Variants in SASS6 observed in about 807,000 individuals in gnomAD.
SASS6 encodes spindle assembly abnormal protein 6 homolog.
In SASS6, 59 loss-of-function variants were observed where a neutral mutation model predicts 94.9. The observed-to-expected ratio is 0.62, with a 90% CI of 0.50 to 0.77. SASS6 has a LOEUF of 0.77. Among genes scored for constraint, SASS6 ranks in the 30% least tolerant of loss-of-function variants. The pLI is 0.00. For synonymous variants in SASS6, 264 were observed against 270.0 expected (o/e 0.98, Z 0.22); for missense variants, 698 against 734.1 (o/e 0.95, Z 0.57).
chr1:100,090,193 T>C (rs1165163971), intron 14 of SASS6, among the ~76,000 whole-genome samples: 2 of 152,052 alleles, frequency 1.3e-5, no homozygotes, highest in African/African-American at 2.4e-5. Flanking sequence ...ACAGGACATA[T>C]AGAAAACAAA....
At chr1:100,131,240 G>C (rs1401717949) in intron 1 of SASS6, among the ~76,000 whole-genome samples, 2 of 147,308 alleles carry the variant, frequency 1.4e-5, no homozygotes, top group East Asian at 3.9e-4. Flanking sequence ...ACCCAGGCTG[G>C]AGTACAGTGG....
rs1245861096 is a variant in SASS6 at position 100,100,333 on chromosome 1, T to A, written c.1674+2622A>T. On this transcript the variant is annotated intron_variant, in intron 14 of 16. Coordinates refer to ENST00000287482, the MANE Select transcript of SASS6 (RefSeq NM_194292.3). ...TTGAAAGACATTACAATTTACTATC[T>A]ACTGGTGTTTCACCACAAAATGTAA... Among the ~76,000 whole-genome samples the A allele has an allele frequency of 2.0e-5, 3 of 152,218 alleles. No homozygotes were observed. The East Asian group carries it at 5.8e-4, about 29-fold the overall frequency.
intron 1 of SASS6, among the ~76,000 whole-genome samples, chr1:100,128,684 A>G (rs186119114): frequency 1.5e-3 from 227 of 152,370 alleles, no homozygotes; most frequent in Admixed American, 4.1e-3. Flanking sequence ...GAGCAATATA[A>G]AACAATAAAA....
chr1:100,085,705 T>A, intron 15 of SASS6, 75 bp from the exon 16 acceptor site: 1 of 810,564 alleles, frequency 1.2e-6, no homozygotes, highest in South Asian at 1.6e-5. Flanking sequence ...TATGTATACA[T>A]ATATATAAGA....
intron 14 of SASS6, among the ~76,000 whole-genome samples, chr1:100,095,004 C>T (rs891436411): frequency 2.6e-5 from 4 of 151,924 alleles, no homozygotes; most frequent in African/African-American, 9.7e-5. Flanking sequence ...AATCTGTTAA[C>T]TGATAAAAGA....
At chr1:100,088,571 T>G (rs1651467713) in intron 14 of SASS6, among the ~76,000 whole-genome samples, 1 of 150,782 alleles carries the variant, frequency 6.6e-6, no homozygotes, top group South Asian at 2.1e-4. Flanking sequence ...ATTACAGGGA[T>G]GAGCCACCAT....
At chr1:100,100,959 T>C (rs1316032493) in intron 14 of SASS6, among the ~76,000 whole-genome samples, 1 of 152,194 alleles carries the variant, frequency 6.6e-6, no homozygotes, top group Non-Finnish European at 1.5e-5. Flanking sequence ...ATTTTTAGTC[T>C]GATTCTTTAA....
At chr1:100,117,674 A>T (rs546602254) in intron 7 of SASS6, among the ~76,000 whole-genome samples, 7 of 152,060 alleles carry the variant, frequency 4.6e-5, no homozygotes, top group Non-Finnish European at 1.0e-4. Flanking sequence ...TGAAAAAAAA[A>T]ACAACCACAC....
At position 100,105,012 on chromosome 1, in the gene SASS6, T is replaced by C. The variant is rs971880053; in HGVS notation, c.1545+755A>G. On this transcript the variant is annotated intron_variant, in intron 13 of 16. Transcript: ENST00000287482. Reference sequence around the variant, plus strand: ...AGTTTATATCTCATAACCAGTTTCTTGTAGAATCTAAAGGTGACAAGCCTG... The same window carrying C: ...AGTTTATATCTCATAACCAGTTTCTCGTAGAATCTAAAGGTGACAAGCCTG... Among the ~76,000 whole-genome samples the C allele has an allele frequency of 7.2e-5, 11 of 152,096 alleles. No homozygotes were observed. In the South Asian group the frequency reaches 8.3e-4, roughly 11 times the overall value.
At chr1:100,088,037 C>G (rs556832031) in intron 15 of SASS6, 102 bp downstream of exon 15, 17 of 582,070 alleles carry the variant, frequency 2.9e-5, no homozygotes, top group African/African-American at 2.0e-4. Context: ...TGAAATGTCT[C>G]AGGTAAACAG....
At chr1:100,090,780 G>C (rs1651616073) in intron 14 of SASS6, among the ~76,000 whole-genome samples, 1 of 152,040 alleles carries the variant, frequency 6.6e-6, no homozygotes, top group Non-Finnish European at 1.5e-5. Flanking sequence ...CCAGGAAGGG[G>C]GACCCTAAGG....
intron 11 of SASS6, 49 bp from the exon 12 acceptor site, chr1:100,107,042 TAA>T: frequency 1.3e-6 from 1 of 779,934 alleles, no homozygotes; most frequent in South Asian, 1.6e-5. Flanking sequence ...AAAGGTTAAA[TAA>T]AAACTGAAGA....
intron 2 of SASS6, among the ~76,000 whole-genome samples, chr1:100,124,466 A>G (rs1654422551): frequency 6.6e-6 from 1 of 152,164 alleles, no homozygotes; most frequent in African/African-American, 2.4e-5. Flanking sequence ...CTGCAGCCTC[A>G]ACCTCCCAGT....
intron 13 of SASS6, among the ~76,000 whole-genome samples, chr1:100,104,379 A>G (rs1325308954): frequency 6.6e-6 from 1 of 152,192 alleles, no homozygotes. Context: ...TGCGGATGCT[A>G]GGTAAGCTCC....
chr1:100,095,564 C>T (rs903335681), intron 14 of SASS6, among the ~76,000 whole-genome samples: 3 of 152,012 alleles, frequency 2.0e-5, no homozygotes, highest in South Asian at 4.1e-4. Context: ...ATTGTACTAT[C>T]GGTTCTAGCC....
chr1:100,087,381 T>C (rs1429839297), intron 15 of SASS6, among the ~76,000 whole-genome samples: 25 of 152,222 alleles, frequency 1.6e-4, no homozygotes. Context: ...TAATTTAGTT[T>C]GTAATGTAGA....
chr1:100,121,227 T>C (rs1654172055), intron 5 of SASS6, 151 bp downstream of exon 5: 2 of 526,456 alleles, frequency 3.8e-6, no homozygotes, highest in African/African-American at 3.9e-5. Context: ...GACTATACCT[T>C]GACTAAATAA....
intron 2 of SASS6, 36 bp downstream of exon 2, chr1:100,125,846 C>G: frequency 9.8e-7 from 1 of 1,023,798 alleles, no homozygotes; most frequent in Admixed American, 2.0e-5. Flanking sequence ...CTACAATGTA[C>G]CGAAATGATA....
intron 1 of SASS6, among the ~76,000 whole-genome samples, chr1:100,130,066 A>C (rs1654887702): frequency 6.6e-6 from 1 of 152,200 alleles, no homozygotes; most frequent in Non-Finnish European, 1.5e-5. Flanking sequence ...ATTACCATCA[A>C]CTTAAAGATG....
Sources: gnomAD v4.1 joint callset for allele counts (sites outside exome capture counted in the v4.1 genomes callset) on GRCh38, gnomAD v4.1.1 for gene constraint, MANE v1.5 for transcripts, NCBI Gene and HGNC (gene_info 2026-07-23, HGNC 2026-07-21) for gene names.